TRAK2: variants seen among roughly 807,000 people sequenced by gnomAD.
TRAK2 encodes trafficking kinesin protein 2.
Under a neutral mutation model 104.6 loss-of-function variants are expected in TRAK2, and 81 were observed. That is an observed-to-expected ratio of 0.77 (90% CI 0.65 to 0.93). The LOEUF is 0.93. Ranked by LOEUF, TRAK2 falls within the 40% of genes least tolerant of loss-of-function variation. TRAK2 has a pLI of 0.00. For missense variants in TRAK2, 1,002 were observed against 1,089.0 expected (o/e 0.92, Z 1.12); for synonymous variants, 406 against 394.4 (o/e 1.03, Z -0.35).
Position 201,447,136 on chromosome 2 carries a change from A to C in TRAK2, c.-200+4214T>G, listed in dbSNP as rs753671755. Among the ~76,000 whole-genome samples the C allele has an allele frequency of 6.6e-6, 1 of 152,254 alleles. No homozygotes were observed. The highest frequency in any genetic ancestry group is 1.5e-5 in the Non-Finnish European group (1 of 68,038). On this transcript the variant is annotated intron_variant, in intron 1 of 15. Coordinates refer to ENST00000332624, the MANE Select transcript of TRAK2 (RefSeq NM_015049.3). This position sits in a 1 kb window ranked among gnomAD's most constrained non-coding sequence, Gnocchi z 4.1. ...CCTTTACAAGTCTTAGTCTTTCTAA[A>C]ATGCAAATCTAATGCTTTTCCACTG...
At position 201,395,327 on chromosome 2, in the gene TRAK2, T is replaced by C. The variant is rs770698326; in HGVS notation, c.887A>G (p.His296Arg). The C allele has an allele frequency of 6.2e-6, 10 of 1,605,118 alleles. No homozygotes were observed. The highest frequency in any genetic ancestry group is 1.7e-5 in the Admixed American group (1 of 59,920). ...SLLSQIVDLQ[H>R]KLKEHVIEKE... ...GAATAAACCTACTTCTTTAAGTTTG[T>C]GCTGAAGGTCTACAATCTGTGACAA... Residue 296 changes from histidine (H) to arginine (R), a missense_variant, in exon 8 of 16, where the codon CAC (histidine) becomes CGC (arginine). His to Arg is a conservative substitution (Grantham distance 29). Transcript: ENST00000332624.
At position 201,397,517 on chromosome 2, in the gene TRAK2, A is replaced by T. The variant is rs765772468; in HGVS notation, c.754T>A (p.Cys252Ser). The T allele has an allele frequency of 6.2e-7, 1 of 1,612,612 alleles. No individual in the cohort carries two copies. Among genetic ancestry groups the T allele is most frequent in the East Asian group, 2.2e-5 (1 of 44,846 alleles). Residue 252 changes from cysteine to serine, a missense_variant, in exon 7 of 16, where the codon TGT becomes AGT. Transcript: ENST00000332624. ...EEKEQQLVSD[C>S]VKELRETNAQ... is the part of the protein sequence containing the mutation. ...TAATACTCACGAAGTTCTTTAACAC[A>T]GTCGCTGACAAGCTGTTGTTCCTTT...
intron 1 of TRAK2, among the ~76,000 whole-genome samples, chr2:201,434,149 G>C (rs1310405033): frequency 1.3e-5 from 2 of 152,024 alleles, no homozygotes; most frequent in Admixed American, 6.6e-5. Context: ...AGTAGAGACG[G>C]GGTTTCACCG....
chr2:201,408,036 A>G (rs756050234), intron 2 of TRAK2, among the ~76,000 whole-genome samples: 3 of 152,144 alleles, frequency 2.0e-5, no homozygotes, highest in Admixed American at 6.5e-5. Flanking sequence ...ATATACAACA[A>G]ATTATTGCCA....
intron 12 of TRAK2, among the ~76,000 whole-genome samples, chr2:201,388,588 T>G (rs1951413927): frequency 6.6e-6 from 1 of 152,246 alleles, no homozygotes; most frequent in Admixed American, 6.5e-5. Flanking sequence ...ATTTTTTGAC[T>G]TCAACACTTT....
Position 201,379,844 on chromosome 2 carries a change from C to A in TRAK2, c.*699G>T, listed in dbSNP as rs1437064400. On this transcript the variant is annotated 3_prime_UTR_variant, in exon 16 of 16. Coordinates refer to ENST00000332624, the MANE Select transcript of TRAK2 (RefSeq NM_015049.3). ...TTTTTTTGGAGGTTGTATAAAAATACAAATTTAAAAAATGAACTTTTATTA... is the reference window on the plus strand; with the variant it reads ...TTTTTTTGGAGGTTGTATAAAAATAAAAATTTAAAAAATGAACTTTTATTA... 4 of 145,502 alleles carry A rather than the reference C, an allele frequency of 2.7e-5. No homozygotes were observed. The highest frequency in any genetic ancestry group is 1.0e-4 in the African/African-American group (4 of 39,854). The allele number at this position is 145,502 out of a possible 1,614,324, so 9.0% of individuals were successfully genotyped here. A position where few individuals can be genotyped will look rare whatever the true frequency, so the allele number is the denominator to read the frequency against.
At chr2:201,412,140 G>T (rs1951652582) in intron 2 of TRAK2, 2 of 1,015,096 alleles carry the variant, frequency 2.0e-6, no homozygotes, top group Non-Finnish European at 3.2e-6. Context: ...TCAACGATCA[G>T]TAGAACACTG....
At chr2:201,442,066 A>C (rs921722509) in intron 1 of TRAK2, among the ~76,000 whole-genome samples, 1 of 151,314 alleles carries the variant, frequency 6.6e-6, no homozygotes, top group Non-Finnish European at 1.5e-5. Context: ...AACCCCAAAG[A>C]GAGGTAGGTG....
intron 1 of TRAK2, among the ~76,000 whole-genome samples, chr2:201,425,827 C>CTT (rs1226863164): frequency 6.6e-6 from 1 of 152,066 alleles, no homozygotes; most frequent in African/African-American, 2.4e-5. Context: ...ATCTCTCATA[C>CTT]TGGTCCACAC....
chr2:201,446,421 G>T (rs1951964675), intron 1 of TRAK2, among the ~76,000 whole-genome samples: 1 of 152,186 alleles, frequency 6.6e-6, no homozygotes, highest in Non-Finnish European at 1.5e-5. Context: ...CTTGAAGGAG[G>T]TATTGCCTCC....
rs183300307 is a variant in TRAK2 at position 201,379,831 on chromosome 2, T to C, written c.*712A>G. On this transcript the variant is annotated 3_prime_UTR_variant, in exon 16 of 16. Transcript: ENST00000332624. ...ACCCAGTTGTTTTTTTTTTTGGAGG[T>C]TGTATAAAAATACAAATTTAAAAAA... is the stretch of plus-strand genomic sequence containing the variant. The C allele has an allele frequency of 4.9e-4, 74 of 150,128 alleles. No individual in the cohort carries two copies. The highest frequency in any genetic ancestry group is 8.4e-4 in the Non-Finnish European group (57 of 67,464). 9.3% of individuals were successfully genotyped at this position (150,128 alleles called of 1,614,324 possible).
rs1181212349 is a variant in TRAK2, at chr2:201,377,809, T to C, written c.*2734A>G. The C allele has an allele frequency of 6.6e-6, 1 of 152,232 alleles. No individual in the cohort carries two copies. Among genetic ancestry groups the C allele is most frequent in the African/African-American group, 2.4e-5 (1 of 41,280 alleles). The allele number at this position is 152,232 out of a possible 1,614,324, so 9.4% of individuals were successfully genotyped here. A position where few individuals can be genotyped will look rare whatever the true frequency, so the allele number is the denominator to read the frequency against. The stretch of plus-strand genomic sequence containing the variant: ...ACTTTTAATTCTGAGCTCGGGAAGA[T>C]ATTTCTCCTATTAGACAATAGGACA... On this transcript the variant is annotated 3_prime_UTR_variant, in exon 16 of 16. Coordinates refer to ENST00000332624, the MANE Select transcript of TRAK2 (RefSeq NM_015049.3).
rs1408029833 is a variant in TRAK2 at position 201,377,456 on chromosome 2, T to TG, written c.*3086dup. The TG allele has an allele frequency of 2.0e-5, 3 of 152,220 alleles. No individual in the cohort carries two copies. The East Asian group carries it at 5.8e-4, about 29-fold the overall frequency. The allele number at this position is 152,220 out of a possible 1,614,324, so 9.4% of individuals were successfully genotyped here. A position where few individuals can be genotyped will look rare whatever the true frequency, so the allele number is the denominator to read the frequency against. ...CTGCATGCATCTGACATCAGAGAAG[T>TG]GGCCCACTAAACACTAAGAGCCCTA... On this transcript the variant is annotated 3_prime_UTR_variant, in exon 16 of 16. Transcript: ENST00000332624.
intron 1 of TRAK2, among the ~76,000 whole-genome samples, chr2:201,445,977 G>A (rs1034914884): frequency 6.6e-6 from 1 of 152,256 alleles, no homozygotes; most frequent in Non-Finnish European, 1.5e-5. Flanking sequence ...CTAGGTGAAT[G>A]GAAATTTTAA....
chr2:201,386,563 T>A, intron 13 of TRAK2, 79 bp from the exon 14 acceptor site: 1 of 1,522,972 alleles, frequency 6.6e-7, no homozygotes. Flanking sequence ...TAAAATTATA[T>A]GTGTAATAAC....
Position 201,401,015 on chromosome 2 carries a change from T to C in TRAK2, c.363+3A>G, listed in dbSNP as rs369607717. The C allele has an allele frequency of 7.5e-6, 12 of 1,608,836 alleles. No individual in the cohort carries two copies. In the Admixed American group the frequency reaches 2.0e-4, roughly 27 times the overall value. The stretch of plus-strand genomic sequence containing the variant: ...GTACTGGAGAAAGAAAAGATATTCC[T>C]ACCTCTGCCAGGAGATGTGTAACCA... On this transcript the variant is annotated splice_donor_region_variant and intron_variant, in intron 4 of 15. Coordinates refer to ENST00000332624, the MANE Select transcript of TRAK2 (RefSeq NM_015049.3).
intron 10 of TRAK2, 38 bp from the exon 11 acceptor site, chr2:201,389,918 G>C (rs767895109): frequency 6.6e-7 from 1 of 1,526,250 alleles, no homozygotes; most frequent in South Asian, 1.1e-5. Flanking sequence ...AGTGATTGTT[G>C]CCCTTAAATT....
In TRAK2 at chr2:201,389,815, A is replaced by G. The variant is rs202210787; in HGVS notation, c.1179T>C (p.Ser393=). The G allele has an allele frequency of 3.6e-5, 58 of 1,612,628 alleles. No homozygotes were observed. The highest frequency in any genetic ancestry group is 1.0e-4 in the Admixed American group (6 of 59,736). Residue 393 remains serine, a synonymous_variant, in exon 11 of 16, where the codon TCT becomes TCC. Coordinates refer to ENST00000332624, the MANE Select transcript of TRAK2 (RefSeq NM_015049.3). ...CCTGTACTTACTTTTGTTTAAAGAG[A>G]GAAGATTCCTCATCCAAACTCAGCT... ...RKKLSLDEES[S]LFKQKAQQKR...
Position 201,395,347 on chromosome 2 carries a change from T to G in TRAK2, c.867A>C (p.Ser289=), listed in dbSNP as rs1472030581. Residue 289 remains serine, a synonymous_variant, in exon 8 of 16, where the codon TCA becomes TCC. Transcript: ENST00000332624. ...GTTTGTGCTGAAGGTCTACAATCTGTGACAAAAGAGAGGAAAGCTCTTCTT... is the reference window on the plus strand; with the variant it reads ...GTTTGTGCTGAAGGTCTACAATCTGGGACAAAAGAGAGGAAAGCTCTTCTT... ...RYQEELSSLL[S]QIVDLQHKLK... 1.2e-6 allele frequency: 2 copies of G among 1,606,436 alleles called. No homozygotes were observed. The highest frequency in any genetic ancestry group is 2.7e-5 in the African/African-American group (2 of 74,854).
Sources: gnomAD v4.1 joint callset for allele counts (sites outside exome capture counted in the v4.1 genomes callset) on GRCh38, gnomAD v4.1.1 for gene constraint, Gnocchi (gnomAD v3.1) non-coding constraint, MANE v1.5 for transcripts, NCBI Gene and HGNC (gene_info 2026-07-23, HGNC 2026-07-21) for gene names.